The following ICA1L variants were observed in gnomAD, a reference collection of about 807,000 sequenced individuals.
ICA1L encodes the protein islet cell autoantigen 1 like, also known as islet cell autoantigen 1-like protein.
A neutral mutation model predicts 61.3 loss-of-function variants in ICA1L; 50 were observed. The observed-to-expected ratio is 0.82, with a 90% CI of 0.65 to 1.03. ICA1L has a LOEUF of 1.03. ICA1L is among the 50% of genes least tolerant of loss of function. The probability of loss-of-function intolerance (pLI) is 0.00; values close to 1 mark genes in which losing one functional copy is unlikely to be tolerated. For synonymous variants in ICA1L, 161 were observed against 191.3 expected (o/e 0.84, Z 1.31); for missense variants, 508 against 556.7 (o/e 0.91, Z 0.88).
At chr2:202,842,245 A>G (rs1456252910) in intron 1 of ICA1L, among the ~76,000 whole-genome samples, 1 of 152,230 alleles carries the variant, frequency 6.6e-6, no homozygotes, top group Non-Finnish European at 1.5e-5. Flanking sequence ...GTGTAATTGT[A>G]CCAATGAGTT....
chr2:202,812,461 C>T (rs1693404894), intron 8 of ICA1L, among the ~76,000 whole-genome samples: 1 of 152,032 alleles, frequency 6.6e-6, no homozygotes, highest in African/African-American at 2.4e-5. Flanking sequence ...CCTGTAATCC[C>T]AGCTACCCAG....
intron 1 of ICA1L, among the ~76,000 whole-genome samples, chr2:202,867,645 T>A (rs1342592106): frequency 4.6e-5 from 7 of 152,198 alleles, no homozygotes; most frequent in Admixed American, 3.9e-4. Flanking sequence ...ACATTATTCA[T>A]CAGGGAAACA....
intron 1 of ICA1L, among the ~76,000 whole-genome samples, chr2:202,861,913 C>A (rs1254415570): frequency 7.2e-6 from 1 of 138,050 alleles, no homozygotes; most frequent in African/African-American, 2.6e-5. Flanking sequence ...AAAGTGAAAC[C>A]ATGAAAGTTT....
chr2:202,807,511 T>C (rs1405026016), intron 9 of ICA1L, among the ~76,000 whole-genome samples: 2 of 151,866 alleles, frequency 1.3e-5, no homozygotes, highest in African/African-American at 4.8e-5. Context: ...CACTCTGGGG[T>C]TCCAAATAAA....
intron 9 of ICA1L, among the ~76,000 whole-genome samples, chr2:202,804,920 G>C (rs1366124455): frequency 6.6e-6 from 1 of 152,124 alleles, no homozygotes; most frequent in Non-Finnish European, 1.5e-5. Context: ...ATCACTCATG[G>C]TCATGAGTCA....
intron 6 of ICA1L, among the ~76,000 whole-genome samples, chr2:202,816,608 G>T (rs957080339): frequency 6.6e-6 from 1 of 152,078 alleles, no homozygotes; most frequent in Non-Finnish European, 1.5e-5. Flanking sequence ...TGTGTTTCAG[G>T]CAAGATGCTA....
At chr2:202,788,715 G>T in intron 11 of ICA1L, 115 bp downstream of exon 11, 1 of 1,014,612 alleles carries the variant, frequency 9.9e-7, no homozygotes, top group Non-Finnish European at 1.5e-6. Context: ...ATTTTATCTA[G>T]TAGTGCTGAC....
rs78966839 is a variant in ICA1L at position 202,860,796 on chromosome 2, G to A, written c.-8+10823C>T. 2.5e-3 allele frequency among the ~76,000 whole-genome samples: 385 copies of A among 152,068 alleles called. 9 individuals carry two copies. The East Asian group carries it at 0.066, about 26-fold the overall frequency. On this transcript the variant is annotated intron_variant, in intron 1 of 12. Coordinates refer to ENST00000358299, the MANE Select transcript of ICA1L (RefSeq NM_001288622.3). ...AAACATACTTTAAACACAAATACAC[G>A]GAGAAGTTAAAAGGAAAAGCATAAA...
At chr2:202,810,838 G>C (rs1308351110) in intron 9 of ICA1L, among the ~76,000 whole-genome samples, 2 of 152,168 alleles carry the variant, frequency 1.3e-5, no homozygotes, top group East Asian at 1.9e-4. Context: ...TATGGTCATA[G>C]CTGTGGGATG....
At position 202,788,886 on chromosome 2, in the gene ICA1L, C is replaced by G. The variant is rs138356872; in HGVS notation, c.1187G>C (p.Arg396Pro). The G allele has an allele frequency of 2.5e-6, 4 of 1,613,942 alleles. No homozygotes were observed. The highest frequency in any genetic ancestry group is 3.4e-6 in the Non-Finnish European group (4 of 1,180,022). ...MGSEPLAHSS[R>P]FLPSQLFDLG... ...GTCAAAGAGTTGTGAAGGAAGGAAT[C>G]GAGAAGAATGAGCGAGGGGCTCAGA... The change falls in exon 11 of 13, where the codon CGA (arginine) becomes CCA (proline). Residue 396 changes from arginine to proline, a missense_variant. Coordinates refer to ENST00000358299, the MANE Select transcript of ICA1L (RefSeq NM_001288622.3).
chr2:202,781,814 G>A (rs1692415164), intron 12 of ICA1L, among the ~76,000 whole-genome samples: 1 of 152,118 alleles, frequency 6.6e-6, no homozygotes, highest in Non-Finnish European at 1.5e-5. Flanking sequence ...GCATATGTAT[G>A]TTAAATTTTA....
At chr2:202,848,199 G>T (rs1055539950) in intron 1 of ICA1L, among the ~76,000 whole-genome samples, 2 of 152,162 alleles carry the variant, frequency 1.3e-5, no homozygotes, top group African/African-American at 2.4e-5. Flanking sequence ...CTGACCTCAG[G>T]TGATCCACCT....
At position 202,832,435 on chromosome 2, in the gene ICA1L, C is replaced by CAAAAA. The variant is rs35735506; in HGVS notation, c.-7-3424_-7-3420dup. Reference sequence around the variant, plus strand: ...TGGTCGACAGAGTGAGACTCCGTCACAAAAAAAAAAAAAAAAAAAAGATTT... The same window carrying CAAAAA: ...TGGTCGACAGAGTGAGACTCCGTCACAAAAAAAAAAAAAAAAAAAAAAAAAGATTT... On this transcript the variant is annotated intron_variant, in intron 1 of 12. Transcript: ENST00000358299. Among the ~76,000 whole-genome samples, 9 of 80,880 alleles carry CAAAAA rather than the reference C, an allele frequency of 1.1e-4. 1 individual carries two copies. The highest frequency in any genetic ancestry group is 4.4e-4 in the South Asian group (1 of 2,284). 53.1% of individuals were successfully genotyped at this position (80,880 alleles called of 152,430 possible).
chr2:202,798,688 C>T (rs756494079), intron 9 of ICA1L, among the ~76,000 whole-genome samples: 10 of 109,854 alleles, frequency 9.1e-5, no homozygotes, highest in South Asian at 7.0e-4. Context: ...GTATAATAAC[C>T]GTACTCTGCT....
chr2:202,785,467 G>A (rs1300335336), intron 12 of ICA1L, among the ~76,000 whole-genome samples: 1 of 152,122 alleles, frequency 6.6e-6, no homozygotes, highest in Non-Finnish European at 1.5e-5. Flanking sequence ...CGCCCAGGCT[G>A]GAGTGAGTGC....
At chr2:202,790,717 A>G (rs954948785) in intron 10 of ICA1L, among the ~76,000 whole-genome samples, 3 of 152,114 alleles carry the variant, frequency 2.0e-5, no homozygotes, top group African/African-American at 7.2e-5. Flanking sequence ...GTAGTGTGCT[A>G]AGAATATAGG....
Position 202,817,687 on chromosome 2 carries a change from T to C in ICA1L, c.559-144A>G, listed in dbSNP as rs1361260079. On this transcript the variant is annotated intron_variant, in intron 5 of 12. Transcript: ENST00000358299. ...AGACTAATTTCTTTTCCCTGTATCATTAATATTTCATGAGTAATGATGAAG... is the reference window on the plus strand; with the variant it reads ...AGACTAATTTCTTTTCCCTGTATCACTAATATTTCATGAGTAATGATGAAG... The C allele has an allele frequency of 1.2e-5, 5 of 433,144 alleles. No homozygotes were observed. In the East Asian group the frequency reaches 1.5e-4, roughly 13 times the overall value. The allele number at this position is 433,144 out of a possible 1,614,324, so 26.8% of individuals were successfully genotyped here. A position where few individuals can be genotyped will look rare whatever the true frequency, so the allele number is the denominator to read the frequency against.
chr2:202,822,842 T>C (rs1016441027), intron 3 of ICA1L, among the ~76,000 whole-genome samples: 9 of 152,148 alleles, frequency 5.9e-5, no homozygotes, highest in African/African-American at 1.9e-4. Flanking sequence ...GAGAGCACAA[T>C]GGTGTAATGA....
chr2:202,796,909 CTG>C lies in ICA1L; in HGVS notation c.964_965del (p.Gln322ValfsTer3), dbSNP rs1474020530. 3.8e-6 allele frequency: 6 copies of C among 1,596,046 alleles called. No homozygotes were observed. Among genetic ancestry groups the C allele is most frequent in the Non-Finnish European group, 4.3e-6 (5 of 1,170,180 alleles). On this transcript the variant is annotated frameshift_variant, in exon 10 of 13. Transcript: ENST00000358299. LOFTEE classifies it high-confidence loss of function. Reference sequence around the variant, plus strand: ...TCTTACCATTTTCAGAGTTAGAAAACTGAGGTGCTCCAAATTCTCTCATTTGA... The same window carrying C: ...TCTTACCATTTTCAGAGTTAGAAAACAGGTGCTCCAAATTCTCTCATTTGA... The part of the protein sequence containing the change: ...HSQMREFGAP[Q>X]FSNSENVAKD...
Sources: allele counts gnomAD v4.1 joint callset (sites outside exome capture counted in the v4.1 genomes callset), GRCh38; gene constraint gnomAD v4.1.1; transcripts MANE v1.5; gene names NCBI Gene and HGNC (gene_info 2026-07-23, HGNC 2026-07-21).